ENKUR: variants seen among roughly 807,000 people sequenced by gnomAD.
ENKUR encodes the protein enkurin.
ENKUR carries 19 observed loss-of-function variants against 27.6 expected under a neutral mutation model. The ratio of observed to expected loss-of-function variants is 0.69; its 90% confidence interval spans 0.48 to 1.01. The LOEUF is 1.01. Among genes scored for constraint, ENKUR ranks in the 50% least tolerant of loss-of-function variants. The pLI is 0.00. For synonymous variants in ENKUR, 117 were observed against 96.9 expected (o/e 1.21, Z -1.22); for missense variants, 312 against 310.5 (o/e 1.00, Z -0.04).
chr10:25,049,258 G>A (rs978780620), intron 2 of ENKUR, among the ~76,000 whole-genome samples: 1 of 152,152 alleles, frequency 6.6e-6, no homozygotes, highest in African/African-American at 2.4e-5. Context: ...CATTCTCTCA[G>A]ATAAGTATTG....
At chr10:25,025,622 T>A in intron 2 of ENKUR, 1 of 643,404 alleles carries the variant, frequency 1.6e-6, no homozygotes, top group Non-Finnish European at 2.7e-6. Flanking sequence ...CCATGTCACC[T>A]CCTCAGATCT....
intron 2 of ENKUR, among the ~76,000 whole-genome samples, chr10:24,998,896 T>G (rs1850124728): frequency 2.0e-5 from 3 of 151,974 alleles, no homozygotes; most frequent in African/African-American, 7.3e-5. Flanking sequence ...ATTCATGAAG[T>G]CTCCTCCATT....
At chr10:25,025,768 C>A in intron 2 of ENKUR, 1 of 247,774 alleles carries the variant, frequency 4.0e-6, no homozygotes, top group Non-Finnish European at 8.4e-6. Context: ...GTCTGGTATA[C>A]TATTTGGCGA....
At position 25,016,074 on chromosome 10, in the gene ENKUR, G is replaced by GT. The variant is rs1850563188; in HGVS notation, c.-139dup. 2 of 1,395,312 alleles carry GT rather than the reference G, an allele frequency of 1.4e-6. No homozygotes were observed. Among genetic ancestry groups the GT allele is most frequent in the Non-Finnish European group, 1.9e-6 (2 of 1,070,732 alleles). 86.4% of individuals were successfully genotyped at this position (1,395,312 alleles called of 1,614,324 possible). ...GACCACAGGTTCTCTCCTTCACATCGTCCCCCTTTAACCCCCTCTTAGCAG... is the reference window on the plus strand; with the variant it reads ...GACCACAGGTTCTCTCCTTCACATCGTTCCCCCTTTAACCCCCTCTTAGCAG... On this transcript the variant is annotated 5_prime_UTR_variant, in exon 1 of 6. Transcript: ENST00000331161.
At chr10:25,061,123 C>T in exon 2 of ENKUR, 2 of 1,536,084 alleles carry the variant, frequency 1.3e-6, no homozygotes, top group African/African-American at 1.4e-5. Flanking sequence ...TGGGGAGCCA[C>T]CTCCAGTCAC....
chr10:24,988,677 T>C (rs1347073196), intron 4 of ENKUR, among the ~76,000 whole-genome samples: 2 of 1,712 alleles, frequency 1.2e-3, no homozygotes, highest in Non-Finnish European at 2.6e-3. Flanking sequence ...TATATATATA[T>C]ATATATATAT....
chr10:25,001,522 G>T (rs554004489), intron 1 of ENKUR, among the ~76,000 whole-genome samples: 1 of 151,982 alleles, frequency 6.6e-6, no homozygotes, highest in Non-Finnish European at 1.5e-5. Flanking sequence ...GCTTGATATT[G>T]TTCAAGCCTC....
At chr10:25,008,069 A>G (rs1471595297) in intron 1 of ENKUR, among the ~76,000 whole-genome samples, 3 of 150,950 alleles carry the variant, frequency 2.0e-5, no homozygotes, top group African/African-American at 7.3e-5. Context: ...TAAGAGATGA[A>G]GAGAAGTAGT....
chr10:25,011,402 T>G (rs543653280), intron 1 of ENKUR, among the ~76,000 whole-genome samples: 69 of 152,278 alleles, frequency 4.5e-4, no homozygotes, highest in African/African-American at 1.6e-3. Flanking sequence ...GGTTGCCTAT[T>G]CACTCTGATG....
intron 3 of ENKUR, among the ~76,000 whole-genome samples, chr10:24,995,221 G>T (rs1588652326): frequency 6.6e-6 from 1 of 152,228 alleles, no homozygotes; most frequent in East Asian, 1.9e-4. Flanking sequence ...TGGCTCTAAA[G>T]CTGCATTCTG....
At chr10:25,050,388 G>A (rs575749545) in intron 2 of ENKUR, among the ~76,000 whole-genome samples, 1 of 152,312 alleles carries the variant, frequency 6.6e-6, no homozygotes, top group African/African-American at 2.4e-5. Flanking sequence ...ACATGGCTAG[G>A]GAGGCCTCAC....
chr10:25,047,385 T>C (rs1851132531), intron 2 of ENKUR, among the ~76,000 whole-genome samples: 1 of 152,198 alleles, frequency 6.6e-6, no homozygotes, highest in Admixed American at 6.5e-5. Context: ...AGACAAGCTC[T>C]TGTACCTTAT....
At chr10:25,018,659 G>GTTTTTT (rs374289213), upstream of ENKUR, among the ~76,000 whole-genome samples, 41 of 93,714 alleles carry the variant, frequency 4.4e-4, 1 homozygote, top group Middle Eastern at 6.8e-3. Context: ...AATGAGAGTT[G>GTTTTTT]TTTTTTTTTT....
At chr10:25,046,070 G>A (rs765103308) in intron 2 of ENKUR, among the ~76,000 whole-genome samples, 1 of 151,994 alleles carries the variant, frequency 6.6e-6, no homozygotes, top group Non-Finnish European at 1.5e-5. Flanking sequence ...TTTTGTCAAT[G>A]GTAACAGGAT....
Position 25,003,926 on chromosome 10 carries a change from AT to A in ENKUR, c.78-4381del, listed in dbSNP as rs148738715. 8.7e-3 allele frequency among the ~76,000 whole-genome samples: 1,325 copies of A among 152,264 alleles called. 19 individuals are homozygous for A. The highest frequency in any genetic ancestry group is 0.029 in the African/African-American group (1,225 of 41,546). On this transcript the variant is annotated intron_variant, in intron 1 of 5. Transcript: ENST00000331161. ...TCACTTTAAGTGAGAATTTAGCAGTATTTTGGTTTCATGTTCCTGTGTTAGT... is the reference window on the plus strand; with the variant it reads ...TCACTTTAAGTGAGAATTTAGCAGTATTTGGTTTCATGTTCCTGTGTTAGT...
chr10:24,996,086 T>G (rs925709085), intron 2 of ENKUR, among the ~76,000 whole-genome samples: 1 of 152,130 alleles, frequency 6.6e-6, no homozygotes, highest in Non-Finnish European at 1.5e-5. Context: ...CTCAATAAAA[T>G]AATTTTTTAA....
At chr10:25,037,318 G>A (rs554357332) in intron 2 of ENKUR, among the ~76,000 whole-genome samples, 8 of 152,182 alleles carry the variant, frequency 5.3e-5, no homozygotes, top group African/African-American at 7.2e-5. Context: ...GACTTAAGAG[G>A]TGGAACCAGA....
At position 25,024,845 on chromosome 10, in the gene ENKUR, C is replaced by G. The variant is rs1050014494; in HGVS notation, c.38-28976G>C. 5.0e-6 allele frequency: 8 copies of G among 1,613,940 alleles called. No homozygotes were observed. In the Admixed American group the frequency reaches 1.0e-4, roughly 20 times the overall value. Reference sequence around the variant, plus strand: ...GCCTCTAATCAGAACCATGTTTTGACTGATTTTATAAAAACAGGACATTAT... The same window carrying G: ...GCCTCTAATCAGAACCATGTTTTGAGTGATTTTATAAAAACAGGACATTAT... On this transcript the variant is annotated intron_variant, in intron 2 of 5. Transcript: ENST00000615958.
intron 2 of ENKUR, chr10:25,025,335 G>A: frequency 6.2e-7 from 1 of 1,614,162 alleles, no homozygotes; most frequent in Non-Finnish European, 8.5e-7. Context: ...TACCTCCACT[G>A]CATGAGGCTT....
Sources: gnomAD v4.1 joint callset for allele counts (sites outside exome capture counted in the v4.1 genomes callset) on GRCh38, gnomAD v4.1.1 for gene constraint, MANE v1.5 for transcripts, NCBI Gene and HGNC (gene_info 2026-07-23, HGNC 2026-07-21) for gene names.